Variants in ABCB1 observed in about 807,000 individuals in gnomAD.
ABCB1 encodes the protein ATP-dependent translocase ABCB1.
A neutral mutation model predicts 142.0 loss-of-function variants in ABCB1; 69 were observed. The observed-to-expected ratio is 0.49, with a 90% CI of 0.40 to 0.59. The LOEUF (loss-of-function observed/expected upper bound fraction) is 0.59, where lower values mean the gene tolerates loss of function less well. Ranked by LOEUF, ABCB1 falls within the 20% of genes least tolerant of loss-of-function variation. The probability of loss-of-function intolerance (pLI) is 0.00; values close to 1 mark genes in which losing one functional copy is unlikely to be tolerated. For synonymous variants in ABCB1, 532 were observed against 539.2 expected (o/e 0.99, Z 0.18); for missense variants, 1,326 against 1,554.7 (o/e 0.85, Z 2.47).
At chr7:87,605,094 G>A (rs1014673868), upstream of ABCB1, among the ~76,000 whole-genome samples, 2 of 152,108 alleles carry the variant, frequency 1.3e-5, no homozygotes, top group African/African-American at 2.4e-5. Flanking sequence ...GTTATCATTA[G>A]CGTGCCTTCA....
At chr7:87,600,321 C>T (rs1819396864) in intron 1 of ABCB1, 131 bp from the exon 2 acceptor site, 1 of 759,078 alleles carries the variant, frequency 1.3e-6, no homozygotes, top group Non-Finnish European at 2.3e-6. Context: ...GCCCCAGCTG[C>T]TCTGGCCGCG....
Position 87,531,337 on chromosome 7 carries a change from C to G in ABCB1, c.2642G>C (p.Gly881Ala), listed in dbSNP as rs2117130078. ...TTCTTTCTTATCTTTCAGTGCTTGTCCAGACAACATTTTCATTTCAACAAC... is the reference window on the plus strand; with the variant it reads ...TTCTTTCTTATCTTTCAGTGCTTGTGCAGACAACATTTTCATTTCAACAAC... ...AGVVEMKMLSGQALKDKKELE... is the reference protein window; with the variant it reads ...AGVVEMKMLSAQALKDKKELE... Residue 881 changes from glycine (G) to alanine (A), a missense_variant, in exon 21 of 28, where the codon GGA becomes GCA. Coordinates refer to ENST00000622132, the MANE Select transcript of ABCB1 (RefSeq NM_001348946.2). 1 of 1,613,350 alleles carries G rather than the reference C, an allele frequency of 6.2e-7. No individual in the cohort carries two copies. The highest frequency in any genetic ancestry group is 8.5e-7 in the Non-Finnish European group (1 of 1,179,634).
chr7:87,579,845 G>T (rs1050858024), intron 4 of ABCB1, among the ~76,000 whole-genome samples: 1 of 152,040 alleles, frequency 6.6e-6, no homozygotes, highest in African/African-American at 2.4e-5. Context: ...TTACCATCAG[G>T]TGTGCAAATG....
intron 1 of ABCB1, among the ~76,000 whole-genome samples, chr7:87,651,914 C>A (rs1301785253): frequency 3.9e-5 from 6 of 151,954 alleles, no homozygotes; most frequent in Admixed American, 3.9e-4. Flanking sequence ...ATGCTTTTTT[C>A]TGTTAAATTT....
intron 1 of ABCB1, among the ~76,000 whole-genome samples, chr7:87,618,132 G>A (rs1820089331): frequency 6.6e-6 from 1 of 152,092 alleles, no homozygotes; most frequent in Non-Finnish European, 1.5e-5. Flanking sequence ...AATTCCGGGG[G>A]CCCTGTTGAC....
rs1171481420 is a variant in ABCB1 at position 87,544,924 on chromosome 7, A to G, written c.1963T>C (p.Ser655Pro). ...KSEIDALEMS[S>P]NDSRSSLIRK... Reference sequence around the variant, plus strand: ...ATTAGACTGGATCTTGAATCATTTGAAGACATTTCCAAGGCATCAATTTCA... The same window carrying G: ...ATTAGACTGGATCTTGAATCATTTGGAGACATTTCCAAGGCATCAATTTCA... Residue 655 changes from serine (S) to proline (P), a missense_variant, in exon 16 of 28, where the codon TCA becomes CCA. Coordinates refer to ENST00000622132, the MANE Select transcript of ABCB1 (RefSeq NM_001348946.2). 3 of 1,613,986 alleles carry G rather than the reference A, an allele frequency of 1.9e-6. No homozygotes were observed. The African/African-American group carries it at 4.0e-5, about 22-fold the overall frequency.
chr7:87,569,332 CAAAAA>C (rs56689125), intron 5 of ABCB1, among the ~76,000 whole-genome samples: 16 of 111,952 alleles, frequency 1.4e-4, no homozygotes, highest in Admixed American at 2.8e-4. Context: ...CACTCTGTCT[CAAAAA>C]AAAAAAAAAA....
At chr7:87,522,112 CGTGGAGGAAACTTCA>C (rs1815538414) in intron 21 of ABCB1, 1 of 1,306,962 alleles carries the variant, frequency 7.7e-7, no homozygotes, top group East Asian at 2.3e-5. Context: ...CAACTTTGGT[CGTGGAGGAAACTTCA>C]GTGGTCATTG....
intron 4 of ABCB1, among the ~76,000 whole-genome samples, chr7:87,574,630 CA>C: frequency 6.6e-6 from 1 of 152,226 alleles, no homozygotes; most frequent in East Asian, 1.9e-4. Flanking sequence ...TTTCTTCCTT[CA>C]AGGCTTTATC....
chr7:87,533,714 G>A (rs1197148783), intron 20 of ABCB1, among the ~76,000 whole-genome samples: 1 of 152,166 alleles, frequency 6.6e-6, no homozygotes, highest in Admixed American at 6.5e-5. Context: ...GACTAGGGTT[G>A]AGGGGAGGAA....
chr7:87,605,695 C>G (rs1819627574), upstream of ABCB1, among the ~76,000 whole-genome samples: 1 of 152,136 alleles, frequency 6.6e-6, no homozygotes, highest in Non-Finnish European at 1.5e-5. Context: ...GACTTGATTT[C>G]TGTGTCATTT....
chr7:87,674,582 C>T (rs1301705012), intron 1 of ABCB1, among the ~76,000 whole-genome samples: 1 of 151,972 alleles, frequency 6.6e-6, no homozygotes, highest in Admixed American at 6.5e-5. Flanking sequence ...ATAGTATATG[C>T]CAGTAAAGTA....
At chr7:87,531,139 G>A (rs1816037947) in intron 21 of ABCB1, among the ~76,000 whole-genome samples, 155 bp downstream of exon 21, 1 of 152,166 alleles carries the variant, frequency 6.6e-6, no homozygotes, top group African/African-American at 2.4e-5. Flanking sequence ...CTTTCTGTAA[G>A]TTTCTAATTT....
chr7:87,521,377 C>G (rs1388932079), intron 21 of ABCB1: 4 of 593,454 alleles, frequency 6.7e-6, no homozygotes, highest in African/African-American at 1.8e-5. Flanking sequence ...AGGCTTACTC[C>G]TCTCTGCCTG....
chr7:87,709,809 G>A (rs975056014), intron 1 of ABCB1, among the ~76,000 whole-genome samples: 8 of 152,054 alleles, frequency 5.3e-5, no homozygotes, highest in African/African-American at 1.7e-4. Context: ...TGAAAGAGTT[G>A]AGTGAAAATG....
At chr7:87,563,849 T>G (rs984962236) in intron 7 of ABCB1, among the ~76,000 whole-genome samples, 25 of 151,994 alleles carry the variant, frequency 1.6e-4, no homozygotes, top group African/African-American at 5.3e-4. Flanking sequence ...AAAAATGAGA[T>G]CATGTCCTTT....
At chr7:87,702,761 A>C (rs1388421947) in intron 1 of ABCB1, among the ~76,000 whole-genome samples, 2 of 152,224 alleles carry the variant, frequency 1.3e-5, no homozygotes, top group Non-Finnish European at 2.9e-5. Context: ...GAAATCTCAA[A>C]TGATCTCAAA....
chr7:87,649,294 A>G (rs1162596739), intron 1 of ABCB1, among the ~76,000 whole-genome samples: 1 of 152,184 alleles, frequency 6.6e-6, no homozygotes, highest in Admixed American at 6.5e-5. Flanking sequence ...CATTCTTTCA[A>G]AATAGAGCTT....
rs2214103 is a variant in ABCB1 at position 87,595,632 on chromosome 7, C to G, written c.117+134G>C. 0.033 allele frequency: 23,337 copies of G among 712,888 alleles called. 437 individuals are homozygous for G. Among genetic ancestry groups the G allele is most frequent in the Middle Eastern group, 0.041 (134 of 3,298 alleles). 44.2% of individuals were successfully genotyped at this position (712,888 alleles called of 1,614,324 possible). On this transcript the variant is annotated intron_variant, in intron 3 of 27. Transcript: ENST00000622132. ...GCATTCTCCTGAAAATAAGCTAAAT[C>G]AAACCAATTTATTTTGCATCTCCAT...
Sources: allele counts gnomAD v4.1 joint callset (sites outside exome capture counted in the v4.1 genomes callset), GRCh38; gene constraint gnomAD v4.1.1; transcripts MANE v1.5; gene names NCBI Gene and HGNC (gene_info 2026-07-23, HGNC 2026-07-21).